Variants in TAFA2 observed in about 807,000 individuals in gnomAD.
TAFA2 encodes the protein TAFA chemokine like family member 2.
Under a neutral mutation model 18.8 loss-of-function variants are expected in TAFA2, and 7 were observed. The ratio of observed to expected loss-of-function variants is 0.37; its 90% CI spans 0.21 to 0.70. The LOEUF is 0.70. TAFA2 is among the 30% of genes least tolerant of loss of function. TAFA2 has a pLI of 0.53. For synonymous variants in TAFA2, 60 were observed against 54.2 expected (o/e 1.11, Z -0.47); for missense variants, 122 against 158.1 (o/e 0.77, Z 1.23).
At chr12:62,236,077 A>C (rs1203026624) in intron 1 of TAFA2, among the ~76,000 whole-genome samples, 1 of 151,862 alleles carries the variant, frequency 6.6e-6, no homozygotes, top group East Asian at 1.9e-4. Context: ...TGTTGTCTCA[A>C]GTATATCTTT....
At chr12:62,180,101 T>C (rs949802184) in intron 1 of TAFA2, among the ~76,000 whole-genome samples, 1 of 152,222 alleles carries the variant, frequency 6.6e-6, no homozygotes, top group South Asian at 2.1e-4. Flanking sequence ...TGGACTCTGC[T>C]CCAAGGTAAA....
chr12:62,105,649 T>C (rs1055911105), intron 1 of TAFA2, among the ~76,000 whole-genome samples: 1 of 152,226 alleles, frequency 6.6e-6, no homozygotes, highest in South Asian at 2.1e-4. Context: ...CTGATACATT[T>C]GGCTGATGAC....
chr12:62,103,374 T>C (rs1237269592), intron 1 of TAFA2, among the ~76,000 whole-genome samples: 1 of 152,202 alleles, frequency 6.6e-6, no homozygotes, highest in Non-Finnish European at 1.5e-5. Flanking sequence ...CAATGATCTG[T>C]TATTATCCAG....
At chr12:62,199,942 C>G (rs555664697) in intron 1 of TAFA2, among the ~76,000 whole-genome samples, 30 of 152,264 alleles carry the variant, frequency 2.0e-4, no homozygotes, top group African/African-American at 7.2e-4. Context: ...TTAATAAACA[C>G]TATTCTGATT....
At chr12:61,815,661 T>TAAA (rs1338864157) in intron 2 of TAFA2, among the ~76,000 whole-genome samples, 2 of 128,938 alleles carry the variant, frequency 1.6e-5, no homozygotes, top group Admixed American at 1.6e-4. Flanking sequence ...AGACTCCGTC[T>TAAA]AAAAAAAAAA....
chr12:61,924,553 AC>A (rs1189487192), intron 1 of TAFA2, among the ~76,000 whole-genome samples: 1 of 152,220 alleles, frequency 6.6e-6, no homozygotes, highest in Non-Finnish European at 1.5e-5. Flanking sequence ...AGATTTTGTC[AC>A]CACCAGGCCT....
chr12:61,941,587 TG>T (rs1282949456), intron 1 of TAFA2, among the ~76,000 whole-genome samples: 1 of 152,164 alleles, frequency 6.6e-6, no homozygotes, highest in Non-Finnish European at 1.5e-5. Context: ...CGCAGGCCAG[TG>T]GGTGCGTGCA....
chr12:62,138,466 T>G (rs1425733179), intron 1 of TAFA2, among the ~76,000 whole-genome samples: 1 of 152,198 alleles, frequency 6.6e-6, no homozygotes, highest in Non-Finnish European at 1.5e-5. Context: ...CAGGAATTGT[T>G]GCCTGATAGT....
intron 1 of TAFA2, among the ~76,000 whole-genome samples, chr12:62,182,418 G>GCTTCCCAA (rs2062558469): frequency 6.6e-6 from 1 of 152,130 alleles, no homozygotes; most frequent in Non-Finnish European, 1.5e-5. Context: ...AGAGTTGAAG[G>GCTTCCCAA]CTTCCCACCT....
intron 1 of TAFA2, among the ~76,000 whole-genome samples, chr12:62,003,450 G>GTTCT (rs1880446611): frequency 6.6e-6 from 1 of 152,018 alleles, no homozygotes. Flanking sequence ...TGCCTAGAAT[G>GTTCT]TTCTTACCCT....
intron 1 of TAFA2, among the ~76,000 whole-genome samples, chr12:61,970,197 A>C (rs1342511918): frequency 6.6e-6 from 1 of 151,680 alleles, no homozygotes; most frequent in Non-Finnish European, 1.5e-5. Context: ...TAACTAAGAA[A>C]TCAAAAAATT....
At chr12:62,147,210 G>C (rs1341969962) in intron 1 of TAFA2, among the ~76,000 whole-genome samples, 1 of 148,644 alleles carries the variant, frequency 6.7e-6, no homozygotes, top group African/African-American at 2.5e-5. Flanking sequence ...AACTATAAAA[G>C]TTCCAGAAGA....
intron 1 of TAFA2, among the ~76,000 whole-genome samples, chr12:62,020,703 A>G (rs1053090599): frequency 1.5e-4 from 23 of 152,194 alleles, no homozygotes; most frequent in African/African-American, 5.5e-4. Context: ...TTTGTGTTTG[A>G]AAATGATTTC....
At chr12:61,850,504 T>A (rs553363361) in intron 2 of TAFA2, among the ~76,000 whole-genome samples, 7 of 152,176 alleles carry the variant, frequency 4.6e-5, no homozygotes, top group African/African-American at 1.4e-4. Flanking sequence ...AAAGAATAAA[T>A]GCTTTATTGT....
chr12:62,171,529 G>A (rs1230960652), intron 1 of TAFA2, among the ~76,000 whole-genome samples: 1 of 152,100 alleles, frequency 6.6e-6, no homozygotes, highest in Non-Finnish European at 1.5e-5. Flanking sequence ...GGAGCCTTTG[G>A]GATATGATCA....
Position 61,742,483 on chromosome 12 carries a change from G to T in TAFA2, c.384+11139C>A, listed in dbSNP as rs538105371. On this transcript the variant is annotated intron_variant, in intron 4 of 4. Transcript: ENST00000416284. ...GGAACTCTATTTCTGCATTCCCCCA[G>T]ACTCTGGTCTTTCTTGGTTTTCTGT... Among the ~76,000 whole-genome samples, 96 of 152,158 alleles carry T rather than the reference G, an allele frequency of 6.3e-4. 2 individuals are homozygous for T. The highest frequency in any genetic ancestry group is 2.3e-3 in the African/African-American group (94 of 41,540).
rs34094332 is a variant in TAFA2, at chr12:62,021,474, CTTTT to C, written c.-1-154052_-1-154049del. On this transcript the variant is annotated intron_variant, in intron 1 of 4. Transcript: ENST00000416284. ...AGACCCCAAAGTCCACTGCATCATTCTTTTTTTTTTTTCTGTCTTTGTACAATAT... is the reference window on the plus strand; with the variant it reads ...AGACCCCAAAGTCCACTGCATCATTCTTTTTTTTCTGTCTTTGTACAATAT... The C allele has an allele frequency of 1.9e-5, 8 of 419,140 alleles. No individual in the cohort carries two copies. In the Admixed American group the frequency reaches 2.2e-4, roughly 12 times the overall value. 26.0% of individuals were successfully genotyped at this position (419,140 alleles called of 1,614,324 possible).
chr12:62,075,921 C>T (rs372363737), intron 1 of TAFA2, among the ~76,000 whole-genome samples: 1 of 152,074 alleles, frequency 6.6e-6, no homozygotes, highest in Non-Finnish European at 1.5e-5. Flanking sequence ...AATATTCTTA[C>T]TTTGTCTTCC....
At chr12:62,099,429 AC>A (rs1478662975) in intron 1 of TAFA2, among the ~76,000 whole-genome samples, 2 of 152,148 alleles carry the variant, frequency 1.3e-5, no homozygotes, top group African/African-American at 2.4e-5. Context: ...CAGAAACCTC[AC>A]AAAACTAGAA....
Sources: allele counts gnomAD v4.1 joint callset (sites outside exome capture counted in the v4.1 genomes callset), GRCh38; gene constraint gnomAD v4.1.1; transcripts MANE v1.5; gene names NCBI Gene and HGNC (gene_info 2026-07-23, HGNC 2026-07-21).